Variants in PTK2 observed in about 807,000 individuals in gnomAD.
PTK2 encodes protein tyrosine kinase 2, also known as focal adhesion kinase 1.
PTK2 carries 45 observed loss-of-function variants against 150.1 expected under a neutral mutation model. The ratio of observed to expected loss-of-function variants is 0.30; its 90% confidence interval spans 0.24 to 0.38. PTK2 has a LOEUF of 0.38. Among genes scored for constraint, PTK2 ranks in the 10% least tolerant of loss-of-function variants. The pLI, the probability that PTK2 is intolerant of heterozygous loss-of-function variation, is 1.00. For synonymous variants in PTK2, 432 were observed against 449.2 expected, an observed-to-expected ratio of 0.96 and a Z score of 0.48; for missense variants, 919 against 1,307.3, an observed-to-expected ratio of 0.70 and a Z score of 4.58.
chr8:140,700,855 T>G, intron 26 of PTK2, 36 bp downstream of exon 29: 1 of 1,610,924 alleles, frequency 6.2e-7, no homozygotes, highest in Non-Finnish European at 8.5e-7. Context: ...TAACAGGGCT[T>G]AAAAAGTCAA....
chr8:140,938,903 G>C (rs1409274076), intron 1 of PTK2, among the ~76,000 whole-genome samples: 3 of 152,092 alleles, frequency 2.0e-5, no homozygotes, highest in Non-Finnish European at 4.4e-5. Flanking sequence ...AACTACTCAG[G>C]AGGCTAAGGC....
chr8:140,746,852 G>T (rs753953419), exon 18 of PTK2: 1 of 1,601,714 alleles, frequency 6.2e-7, no homozygotes, highest in South Asian at 1.1e-5. Context: ...TCAAACTGAC[G>T]CATTGTTACT....
At chr8:140,713,097 G>T (rs2100037700) in intron 23 of PTK2, among the ~76,000 whole-genome samples, 1 of 152,192 alleles carries the variant, frequency 6.6e-6, no homozygotes, top group African/African-American at 2.4e-5. Flanking sequence ...CTTCACATCA[G>T]ATATTTTTCA....
At chr8:140,841,639 C>T (rs2100122432) in intron 7 of PTK2, among the ~76,000 whole-genome samples, 1 of 151,848 alleles carries the variant, frequency 6.6e-6, no homozygotes, top group African/African-American at 2.4e-5. Context: ...GAGCCATATA[C>T]ACATAGTTGA....
chr8:140,885,832 GT>G (rs2100152055), intron 3 of PTK2, among the ~76,000 whole-genome samples: 2 of 152,148 alleles, frequency 1.3e-5, no homozygotes, highest in South Asian at 4.1e-4. Flanking sequence ...GGGGAGATGG[GT>G]GAGACTCTCA....
chr8:140,786,407 C>G (rs2100084970), intron 14 of PTK2, among the ~76,000 whole-genome samples: 2 of 152,090 alleles, frequency 1.3e-5, no homozygotes, highest in African/African-American at 4.8e-5. Flanking sequence ...AGAAATAACC[C>G]TGGGATTTAG....
intron 4 of PTK2, among the ~76,000 whole-genome samples, chr8:140,870,445 T>C (rs1050537277): frequency 2.6e-5 from 4 of 152,192 alleles, no homozygotes; most frequent in African/African-American, 9.7e-5. Flanking sequence ...GTGCTCAATT[T>C]AGAAATAAGT....
intron 29 of PTK2, 99 bp from the exon 33 acceptor site, chr8:140,669,834 T>A (rs377103203): frequency 2.3e-6 from 3 of 1,313,264 alleles, no homozygotes; most frequent in East Asian, 2.5e-5. Context: ...AAATCCCCCA[T>A]AAAAACACAT....
At position 140,898,595 on chromosome 8, in the gene PTK2, G is replaced by A. The variant is rs140129531; in HGVS notation, c.-32-7826C>T. 6.3e-3 allele frequency among the ~76,000 whole-genome samples: 952 copies of A among 152,202 alleles called. 15 individuals carry two copies. Among genetic ancestry groups the A allele is most frequent in the African/African-American group, 0.021 (875 of 41,514 alleles). On this transcript the variant is annotated intron_variant, in intron 2 of 31. Coordinates refer to ENST00000522684, the Ensembl canonical transcript of PTK2. ...AAGAAAAAAGTGTTACTAACCTCTGGAGTTAAGCTCCAAGGTTCAACCCAC... is the reference window on the plus strand; with the variant it reads ...AAGAAAAAAGTGTTACTAACCTCTGAAGTTAAGCTCCAAGGTTCAACCCAC...
At chr8:140,906,825 A>C (rs1378901986) in intron 2 of PTK2, among the ~76,000 whole-genome samples, 2 of 152,222 alleles carry the variant, frequency 1.3e-5, no homozygotes, top group Admixed American at 1.3e-4. Flanking sequence ...AAAGGAAAGA[A>C]AAGTGTTGGA....
At chr8:140,767,279 A>G (rs1158833820) in intron 14 of PTK2, among the ~76,000 whole-genome samples, 2 of 150,388 alleles carry the variant, frequency 1.3e-5, no homozygotes, top group Non-Finnish European at 3.0e-5. Context: ...TTTTAGCTGG[A>G]TGAATTGTAC....
At chr8:140,884,767 T>C (rs1246747586) in intron 3 of PTK2, among the ~76,000 whole-genome samples, 7 of 152,324 alleles carry the variant, frequency 4.6e-5, no homozygotes, top group Non-Finnish European at 1.0e-4. Context: ...AGGATGATTT[T>C]AAATTGAACA....
chr8:140,715,159 T>TG, intron 23 of PTK2, among the ~76,000 whole-genome samples: 1 of 7,260 alleles, frequency 1.4e-4, no homozygotes, highest in East Asian at 8.7e-4. Flanking sequence ...AAAACCGTTT[T>TG]TTTTTTTTTT....
chr8:140,982,971 T>C (rs1312788990), intron 1 of PTK2, among the ~76,000 whole-genome samples: 1 of 152,204 alleles, frequency 6.6e-6, no homozygotes, highest in African/African-American at 2.4e-5. Context: ...AATACGCATT[T>C]AACAGAAAAG....
At chr8:140,687,952 A>G (rs2100020946) in intron 26 of PTK2, among the ~76,000 whole-genome samples, 1 of 152,092 alleles carries the variant, frequency 6.6e-6, no homozygotes, top group Non-Finnish European at 1.5e-5. Context: ...AGGTCTGAGA[A>G]CAGCTCCTAC....
chr8:140,803,784 A>T, intron 10 of PTK2, 134 bp from the exon 11 acceptor site: 1 of 767,636 alleles, frequency 1.3e-6, no homozygotes, highest in Non-Finnish European at 2.1e-6. Flanking sequence ...AAAAAAACAG[A>T]TTCTCCATGC....
At position 140,812,569 on chromosome 8, in the gene PTK2, GC is replaced by G. The variant is rs568543226; in HGVS notation, c.867+5707del. ...AACCTTGAATGTTAATGGGCTAAAT[GC>G]CCCCATTAAAAGACACAGAGCTGGA... On this transcript the variant is annotated intron_variant, in intron 10 of 31. Coordinates refer to ENST00000522684, the Ensembl canonical transcript of PTK2. 3.6e-4 allele frequency among the ~76,000 whole-genome samples: 55 copies of G among 152,186 alleles called. 1 individual carries two copies. In the South Asian group the frequency reaches 5.6e-3, roughly 16 times the overall value.
intron 17 of PTK2, 141 bp from the exon 21 acceptor site, chr8:140,747,001 C>T (rs2154486717): frequency 3.4e-6 from 2 of 580,072 alleles, no homozygotes; most frequent in East Asian, 3.1e-5. Context: ...AGTGATTCTC[C>T]TGCCTCAGCC....
At chr8:140,711,684 A>G (rs562184473) in intron 23 of PTK2, among the ~76,000 whole-genome samples, 1 of 152,222 alleles carries the variant, frequency 6.6e-6, no homozygotes, top group Non-Finnish European at 1.5e-5. Flanking sequence ...CCTATCAGTT[A>G]TAGCTGTGGG....
Sources: gnomAD v4.1 joint callset for allele counts (sites outside exome capture counted in the v4.1 genomes callset) on GRCh38, gnomAD v4.1.1 for gene constraint, MANE v1.5 for transcripts, NCBI Gene and HGNC (gene_info 2026-07-23, HGNC 2026-07-21) for gene names.